The following JARID2 variants were observed in gnomAD, a reference collection of about 807,000 sequenced individuals.
JARID2 encodes the protein jumonji and AT-rich interaction domain containing 2.
JARID2 carries 21 observed loss-of-function variants against 125.6 expected under a neutral mutation model. The ratio of observed to expected loss-of-function variants is 0.17; its 90% CI spans 0.12 to 0.24. The LOEUF (loss-of-function observed/expected upper bound fraction) is 0.24, where lower values mean the gene tolerates loss of function less well. Ranked by LOEUF, JARID2 falls within the 10% of genes least tolerant of loss-of-function variation. The pLI is 1.00. For missense variants in JARID2, 1,303 were observed against 1,639.6 expected (o/e 0.79, Z 3.55); for synonymous variants, 736 against 661.6 (o/e 1.11, Z -1.73).
intron 1 of JARID2, among the ~76,000 whole-genome samples, chr6:15,336,633 C>T (rs185980440): frequency 2.7e-5 from 4 of 149,594 alleles, no homozygotes; most frequent in Admixed American, 2.0e-4. Flanking sequence ...CATTGGTTCA[C>T]TAGTAAAATT....
intron 17 of JARID2, among the ~76,000 whole-genome samples, chr6:15,518,807 C>T (rs978942816): frequency 2.6e-5 from 4 of 152,200 alleles, no homozygotes; most frequent in African/African-American, 9.7e-5. Context: ...GAAATTTCTA[C>T]CTTGTAAACA....
chr6:15,246,920 C>T (rs1759202001), intron 1 of JARID2, among the ~76,000 whole-genome samples: 1 of 152,144 alleles, frequency 6.6e-6, no homozygotes, highest in African/African-American at 2.4e-5. Context: ...GCGGATTTGG[C>T]CCCGTATTGC....
chr6:15,325,204 GTGT>G (rs879871129), intron 1 of JARID2, among the ~76,000 whole-genome samples: 1 of 151,994 alleles, frequency 6.6e-6, no homozygotes, highest in Non-Finnish European at 1.5e-5. Flanking sequence ...TGAGGGAATT[GTGT>G]TGTTGTTAAT....
intron 9 of JARID2, among the ~76,000 whole-genome samples, chr6:15,506,322 C>A (rs1242455177): frequency 1.3e-5 from 2 of 152,190 alleles, no homozygotes; most frequent in Non-Finnish European, 2.9e-5. Flanking sequence ...TTGAGGGAAT[C>A]CAGTCATTTA....
At chr6:15,259,614 A>G (rs1166614147) in intron 1 of JARID2, among the ~76,000 whole-genome samples, 1 of 152,192 alleles carries the variant, frequency 6.6e-6, no homozygotes, top group Non-Finnish European at 1.5e-5. Flanking sequence ...AGATCATAAA[A>G]TGTTTGCTAG....
intron 3 of JARID2, among the ~76,000 whole-genome samples, chr6:15,415,931 C>T (rs56880422): frequency 0.031 from 4,663 of 150,308 alleles, 229 homozygotes; most frequent in African/African-American, 0.11. Flanking sequence ...ACTTCCCAGA[C>T]GGGGTGGCTG....
At position 15,512,938 on chromosome 6, in the gene JARID2, T is replaced by C; in HGVS notation, c.3159T>C (p.Ala1053=). 1 of 1,613,630 alleles carries C rather than the reference T, an allele frequency of 6.2e-7. No individual in the cohort carries two copies. The highest frequency in any genetic ancestry group is 1.1e-5 in the South Asian group (1 of 91,070). The change falls in exon 15 of 18, where the codon GCT becomes GCC. Residue 1053 remains alanine (A), a synonymous_variant. Coordinates refer to ENST00000341776, the MANE Select transcript of JARID2 (RefSeq NM_004973.4). ...AGGAAATGAAGCGTCGCCATATAGC[T>C]AAGCCATTCTCCATGGAGAAGTTAC... is the stretch of plus-strand genomic sequence containing the variant. The part of the protein sequence containing the change: ...TAKEMKRRHI[A]KPFSMEKLLY...
intron 4 of JARID2, among the ~76,000 whole-genome samples, chr6:15,453,408 T>C (rs942074607): frequency 6.6e-6 from 1 of 152,266 alleles, no homozygotes; most frequent in Non-Finnish European, 1.5e-5. Context: ...GTTTGTGTTC[T>C]TGGCAGGAAT....
At chr6:15,343,458 C>G (rs1763140207) in intron 1 of JARID2, among the ~76,000 whole-genome samples, 1 of 152,084 alleles carries the variant, frequency 6.6e-6, no homozygotes, top group Non-Finnish European at 1.5e-5. Context: ...GTGAATATCC[C>G]ATTAAAAACT....
intron 1 of JARID2, among the ~76,000 whole-genome samples, chr6:15,310,276 CAGT>C (rs1275625839): frequency 1.3e-5 from 2 of 152,066 alleles, no homozygotes; most frequent in Non-Finnish European, 2.9e-5. Flanking sequence ...AGAAGAAAAA[CAGT>C]AGAAAAAATG....
At chr6:15,430,833 T>C (rs2127599536) in intron 3 of JARID2, among the ~76,000 whole-genome samples, 1 of 152,258 alleles carries the variant, frequency 6.6e-6, no homozygotes. Flanking sequence ...AGTCTTGGGG[T>C]ACTTTATTAT....
intron 3 of JARID2, among the ~76,000 whole-genome samples, chr6:15,448,540 G>A (rs1037662268): frequency 2.0e-5 from 3 of 152,174 alleles, no homozygotes; most frequent in African/African-American, 7.2e-5. Context: ...CTCAGAGTGC[G>A]ATTTGCGTCC....
chr6:15,260,566 C>G (rs1255896001), intron 1 of JARID2, among the ~76,000 whole-genome samples: 1 of 152,154 alleles, frequency 6.6e-6, no homozygotes, highest in Admixed American at 6.5e-5. Flanking sequence ...ATATAAACAC[C>G]AGCTCAATAT....
At chr6:15,454,770 C>T (rs1768079651) in intron 4 of JARID2, among the ~76,000 whole-genome samples, 1 of 152,078 alleles carries the variant, frequency 6.6e-6, no homozygotes. Flanking sequence ...AGGCATGAGC[C>T]AACATGCCTT....
At chr6:15,336,632 A>G (rs1350094149) in intron 1 of JARID2, among the ~76,000 whole-genome samples, 1 of 149,800 alleles carries the variant, frequency 6.7e-6, no homozygotes, top group Admixed American at 6.6e-5. Context: ...GCATTGGTTC[A>G]CTAGTAAAAT....
At chr6:15,509,295 C>T (rs1192008425) in intron 12 of JARID2, 4 of 985,326 alleles carry the variant, frequency 4.1e-6, no homozygotes, top group Non-Finnish European at 4.8e-6. Flanking sequence ...GCATGCTGTT[C>T]ATGCCATGCT....
rs139268208 is a variant in JARID2, at chr6:15,390,406, C to T, written c.181+16154C>T. ...ACTCAGGTCAAGCAGGGACGTCCTT[C>T]TTAGCTCTGTCCACGTTGTGCAGCC... On this transcript the variant is annotated intron_variant, in intron 2 of 17. Coordinates refer to ENST00000341776, the MANE Select transcript of JARID2 (RefSeq NM_004973.4). Among the ~76,000 whole-genome samples the T allele has an allele frequency of 3.0e-3, 457 of 152,298 alleles. 2 individuals are homozygous for T. Among genetic ancestry groups the T allele is most frequent in the African/African-American group, 0.01 (433 of 41,556 alleles).
chr6:15,442,787 T>C (rs1205373044), intron 3 of JARID2, among the ~76,000 whole-genome samples: 2 of 152,244 alleles, frequency 1.3e-5, no homozygotes, highest in African/African-American at 4.8e-5. Flanking sequence ...CAATGTCAGA[T>C]GTTTCCTTGA....
At chr6:15,379,828 A>G (rs1461171493) in intron 2 of JARID2, among the ~76,000 whole-genome samples, 2 of 152,212 alleles carry the variant, frequency 1.3e-5, no homozygotes, top group Non-Finnish European at 2.9e-5. Flanking sequence ...GCATGAGGAT[A>G]TAAGACCAGG....
Sources: gnomAD v4.1 joint callset for allele counts (sites outside exome capture counted in the v4.1 genomes callset) on GRCh38, gnomAD v4.1.1 for gene constraint, MANE v1.5 for transcripts, NCBI Gene and HGNC (gene_info 2026-07-23, HGNC 2026-07-21) for gene names.